LDB2: variants seen among roughly 807,000 people sequenced by gnomAD.
LDB2 encodes LIM domain-binding protein 2.
LDB2 carries 12 observed loss-of-function variants against 44.3 expected under a neutral mutation model. That is an observed-to-expected ratio of 0.27 (90% confidence interval 0.17 to 0.44). The LOEUF is 0.44. Ranked by LOEUF, LDB2 falls within the 20% of genes least tolerant of loss-of-function variation. The pLI is 1.00. For synonymous variants in LDB2, 164 were observed against 174.8 expected (o/e 0.94, Z 0.49); for missense variants, 344 against 473.5 (o/e 0.73, Z 2.54).
At chr4:16,793,356 G>A (rs1048074417) in intron 1 of LDB2, among the ~76,000 whole-genome samples, 1 of 152,082 alleles carries the variant, frequency 6.6e-6, no homozygotes, top group Non-Finnish European at 1.5e-5. Context: ...GCTTCTGTGG[G>A]TTTATGTCTA....
chr4:16,723,814 G>T, intron 2 of LDB2, among the ~76,000 whole-genome samples: 1 of 151,970 alleles, frequency 6.6e-6, no homozygotes, highest in East Asian at 1.9e-4. Context: ...AAATGCCTGT[G>T]AATGAGAGAG....
At chr4:16,552,356 T>C (rs1737980346) in intron 5 of LDB2, among the ~76,000 whole-genome samples, 1 of 152,240 alleles carries the variant, frequency 6.6e-6, no homozygotes, top group Non-Finnish European at 1.5e-5. Flanking sequence ...TGTTCCCATT[T>C]TTAAACTAAT....
chr4:16,502,742 G>A lies in LDB2; in HGVS notation c.1023C>T (p.Asn341=). 6.2e-7 allele frequency: 1 copy of A among 1,614,010 alleles called. No individual in the cohort carries two copies. The part of the protein sequence containing the change: ...ANGMDDEEDF[N]NSPALGNNSP... ...TGTTGTTCCCCAGCGCGGGTGAATT[G>A]TTGAAGTCCTCCTCGTCGTCCATGC... Residue 341 remains asparagine (N), a synonymous_variant, in exon 8 of 8, where the codon AAC becomes AAT. Coordinates refer to ENST00000304523, the MANE Select transcript of LDB2 (RefSeq NM_001290.5).
chr4:16,544,172 A>C (rs1426194933), intron 5 of LDB2, among the ~76,000 whole-genome samples: 1 of 152,210 alleles, frequency 6.6e-6, no homozygotes, highest in Non-Finnish European at 1.5e-5. Context: ...CAGTCTGGCT[A>C]TTTTTGGTAG....
intron 1 of LDB2, among the ~76,000 whole-genome samples, chr4:16,818,872 T>C (rs529587509): frequency 6.6e-6 from 1 of 152,368 alleles, no homozygotes; most frequent in Admixed American, 6.5e-5. Context: ...TTGAATTTAG[T>C]ATGAGCTAGG....
At chr4:16,595,565 A>C (rs969265200) in intron 3 of LDB2, 138 bp downstream of exon 3, 2 of 699,202 alleles carry the variant, frequency 2.9e-6, no homozygotes, top group African/African-American at 1.8e-5. Flanking sequence ...GTCACAAACA[A>C]GAAAGATTCT....
At chr4:16,882,781 C>A (rs1340440159) in intron 1 of LDB2, among the ~76,000 whole-genome samples, 1 of 152,078 alleles carries the variant, frequency 6.6e-6, no homozygotes, top group Admixed American at 6.6e-5. Context: ...AAATCACCAT[C>A]CCAGCAAGCA....
chr4:16,876,253 C>A (rs890909645), intron 1 of LDB2, among the ~76,000 whole-genome samples: 12 of 152,228 alleles, frequency 7.9e-5, no homozygotes, highest in African/African-American at 2.7e-4. Context: ...GAAACACCTA[C>A]TGAGTTGATT....
chr4:16,798,398 C>A (rs905766188), intron 1 of LDB2, among the ~76,000 whole-genome samples: 2 of 152,102 alleles, frequency 1.3e-5, no homozygotes, highest in Admixed American at 1.3e-4. Context: ...GACTTAGGAT[C>A]TTGGAAAGCA....
At chr4:16,604,161 T>C (rs1001070527) in intron 2 of LDB2, among the ~76,000 whole-genome samples, 1 of 152,218 alleles carries the variant, frequency 6.6e-6, no homozygotes, top group African/African-American at 2.4e-5. Flanking sequence ...CCAACAAATA[T>C]GTTGCACCCT....
chr4:16,714,499 G>C (rs758571295), intron 2 of LDB2, among the ~76,000 whole-genome samples: 3 of 151,866 alleles, frequency 2.0e-5, no homozygotes, highest in Non-Finnish European at 4.4e-5. Flanking sequence ...CACCCCTCTG[G>C]GAAAAAAATG....
intron 1 of LDB2, among the ~76,000 whole-genome samples, chr4:16,797,659 T>C (rs1776997577): frequency 6.6e-6 from 1 of 152,140 alleles, no homozygotes; most frequent in Admixed American, 6.5e-5. Flanking sequence ...TAACATTTAT[T>C]AGAGAGGCTC....
chr4:16,826,778 C>G (rs1783130702), intron 1 of LDB2, among the ~76,000 whole-genome samples: 1 of 149,448 alleles, frequency 6.7e-6, no homozygotes, highest in Non-Finnish European at 1.5e-5. Context: ...CTCTTTTCAA[C>G]AAGCTTAAAC....
At chr4:16,700,119 T>C (rs1753124202) in intron 2 of LDB2, among the ~76,000 whole-genome samples, 1 of 152,174 alleles carries the variant, frequency 6.6e-6, no homozygotes, top group South Asian at 2.1e-4. Flanking sequence ...CCAATGAACA[T>C]TTCCTTCGAC....
intron 2 of LDB2, among the ~76,000 whole-genome samples, chr4:16,723,698 T>C (rs1383803666): frequency 6.6e-6 from 1 of 152,160 alleles, no homozygotes; most frequent in Non-Finnish European, 1.5e-5. Context: ...TTTCTTGTCA[T>C]GCCAAGCAGA....
intron 1 of LDB2, among the ~76,000 whole-genome samples, chr4:16,845,036 A>C (rs1240966832): frequency 6.6e-6 from 1 of 152,214 alleles, no homozygotes; most frequent in Non-Finnish European, 1.5e-5. Flanking sequence ...TGGCTCTTTA[A>C]GAGTCAACAG....
intron 1 of LDB2, among the ~76,000 whole-genome samples, chr4:16,805,201 G>A (rs555774514): frequency 6.6e-6 from 1 of 152,268 alleles, no homozygotes; most frequent in Non-Finnish European, 1.5e-5. Context: ...TTACCTCCCA[G>A]AGTCCCCAAC....
intron 2 of LDB2, among the ~76,000 whole-genome samples, chr4:16,612,169 GAACA>G (rs1450402248): frequency 6.6e-6 from 1 of 152,154 alleles, no homozygotes; most frequent in Non-Finnish European, 1.5e-5. Flanking sequence ...AAACCAGTGA[GAACA>G]AACAGACAAT....
chr4:16,625,215 C>T (rs1307621791), intron 2 of LDB2, among the ~76,000 whole-genome samples: 1 of 152,194 alleles, frequency 6.6e-6, no homozygotes, highest in Non-Finnish European at 1.5e-5. Context: ...CAGCACAGAA[C>T]TTCTTATAGC....
Sources: gnomAD v4.1 joint callset for allele counts (sites outside exome capture counted in the v4.1 genomes callset) on GRCh38, gnomAD v4.1.1 for gene constraint, MANE v1.5 for transcripts, NCBI Gene and HGNC (gene_info 2026-07-23, HGNC 2026-07-21) for gene names.